VAX2: variants seen among roughly 807,000 people sequenced by gnomAD.
VAX2 encodes the protein ventral anterior homeobox 2.
Under a neutral mutation model 12.5 loss-of-function variants are expected in VAX2, and 8 were observed. The ratio of observed to expected loss-of-function variants is 0.64; its 90% confidence interval spans 0.37 to 1.15. The LOEUF (loss-of-function observed/expected upper bound fraction) is 1.15, where lower values mean the gene tolerates loss of function less well. Ranked by LOEUF, VAX2 falls within the 50% of genes most tolerant of loss-of-function variation. The pLI is 0.01. For missense variants in VAX2, 476 were observed against 412.9 expected, an observed-to-expected ratio of 1.15 and a Z score of -1.32; for synonymous variants, 183 against 187.6, an observed-to-expected ratio of 0.98 and a Z score of 0.20.
intron 1 of VAX2, among the ~76,000 whole-genome samples, chr2:70,906,663 G>C (rs1679069251): frequency 6.6e-6 from 1 of 151,100 alleles, no homozygotes; most frequent in Non-Finnish European, 1.5e-5. Context: ...CAAAGTGCTG[G>C]ATTACAGGAC....
intron 1 of VAX2, among the ~76,000 whole-genome samples, chr2:70,910,657 T>C (rs1679161237): frequency 6.6e-6 from 1 of 152,086 alleles, no homozygotes; most frequent in African/African-American, 2.4e-5. Context: ...GAATTTTTCA[T>C]ATATTTAGCC....
intron 1 of VAX2, among the ~76,000 whole-genome samples, chr2:70,914,675 T>C (rs1679268605): frequency 6.6e-6 from 1 of 152,232 alleles, no homozygotes; most frequent in South Asian, 2.1e-4. Context: ...TGCTGGAACT[T>C]GTATTATATT....
At chr2:70,909,766 T>C (rs1169922585) in intron 1 of VAX2, among the ~76,000 whole-genome samples, 1 of 152,222 alleles carries the variant, frequency 6.6e-6, no homozygotes, top group Non-Finnish European at 1.5e-5. Context: ...AGGATTCCGT[T>C]ATGTAGATAT....
chr2:70,904,007 C>T lies in VAX2; in HGVS notation c.247+3139C>T, dbSNP rs1462535906. 6.6e-6 allele frequency among the ~76,000 whole-genome samples: 1 copy of T among 152,162 alleles called. No individual in the cohort carries two copies. The highest frequency in any genetic ancestry group is 2.4e-5 in the African/African-American group (1 of 41,448). On this transcript the variant is annotated intron_variant, in intron 1 of 2. Coordinates refer to ENST00000234392, the MANE Select transcript of VAX2 (RefSeq NM_012476.3). The surrounding 1 kb of genome is among the most constrained non-coding windows in gnomAD (Gnocchi z 4.2). ...GAGGCCAAACGTGGTGCGTCTCCTG[C>T]CTCAAAATGAAGACTCCTACATGTC...
intron 1 of VAX2, among the ~76,000 whole-genome samples, chr2:70,905,978 A>G (rs1553410551): frequency 1.3e-5 from 2 of 152,090 alleles, no homozygotes; most frequent in Admixed American, 6.5e-5. Flanking sequence ...TTTGATTTCT[A>G]TTTTAATGGT....
intron 1 of VAX2, among the ~76,000 whole-genome samples, chr2:70,909,410 G>A (rs1197692841): frequency 6.6e-6 from 1 of 151,192 alleles, no homozygotes; most frequent in Non-Finnish European, 1.5e-5. Context: ...CCATATTGAG[G>A]AGGCCAGTCT....
chr2:70,920,309 G>A (rs1679423769), intron 1 of VAX2, among the ~76,000 whole-genome samples: 1 of 152,152 alleles, frequency 6.6e-6, no homozygotes, highest in African/African-American at 2.4e-5. Flanking sequence ...GTAGTTAAAT[G>A]TTACTAAGTT....
At chr2:70,920,189 G>A (rs1679421272) in intron 1 of VAX2, among the ~76,000 whole-genome samples, 1 of 152,198 alleles carries the variant, frequency 6.6e-6, no homozygotes, top group African/African-American at 2.4e-5. Context: ...AAATCCTACA[G>A]GATGTGATGC....
At chr2:70,920,949 A>T in intron 1 of VAX2, 149 bp from the exon 2 acceptor site, 1 of 916,600 alleles carries the variant, frequency 1.1e-6, no homozygotes, top group Non-Finnish European at 1.6e-6. Context: ...CTGGGCCCAG[A>T]GAGGGTGAGC....
At chr2:70,909,989 T>A (rs186181384) in intron 1 of VAX2, among the ~76,000 whole-genome samples, 1,594 of 152,294 alleles carry the variant, frequency 0.01, 24 homozygotes, top group African/African-American at 0.032. Flanking sequence ...TGGTTTTTTT[T>A]AAATCTTATT....
intron 1 of VAX2, among the ~76,000 whole-genome samples, chr2:70,906,993 G>A (rs72832737): frequency 0.011 from 1,700 of 152,312 alleles, 13 homozygotes; most frequent in South Asian, 0.019. Context: ...AATACTTCTC[G>A]AATAACTTAA....
chr2:70,902,944 C>G, intron 1 of VAX2, among the ~76,000 whole-genome samples: 1 of 152,206 alleles, frequency 6.6e-6, no homozygotes, highest in East Asian at 1.9e-4. Context: ...GATATATTTA[C>G]ACACTTGACA....
rs142186908 is a variant in VAX2 at position 70,904,812 on chromosome 2, G to T, written c.247+3944G>T. Among the ~76,000 whole-genome samples, 1 of 152,370 alleles carries T rather than the reference G, an allele frequency of 6.6e-6. No individual in the cohort carries two copies. The highest frequency in any genetic ancestry group is 1.5e-5 in the Non-Finnish European group (1 of 68,040). On this transcript the variant is annotated intron_variant, in intron 1 of 2. Transcript: ENST00000234392. The surrounding 1 kb of genome is among the most constrained non-coding windows in gnomAD (Gnocchi z 4.2). The stretch of plus-strand genomic sequence containing the variant: ...GGCTGGGCGATTCCCGCCGTGGGAC[G>T]GGTGGGATTGACCTTAGTGGAGTCC...
In VAX2 at chr2:70,900,842, A is replaced by G; in HGVS notation, c.221A>G (p.Asp74Gly). Residue 74 changes from aspartate to glycine, a missense_variant, in exon 1 of 3, where the codon GAC (aspartate) becomes GGC (glycine). Coordinates refer to ENST00000234392, the MANE Select transcript of VAX2 (RefSeq NM_012476.3). ...GGGCAGCCCGGGCCCGGCGAGGCAGACCACTGCCGCCGCATACTGGTGCGA... is the reference window on the plus strand; with the variant it reads ...GGGCAGCCCGGGCCCGGCGAGGCAGGCCACTGCCGCCGCATACTGGTGCGA... ...SDGQPGPGEA[D>G]HCRRILVRDA... The G allele has an allele frequency of 6.9e-7, 1 of 1,452,042 alleles. No homozygotes were observed. The highest frequency in any genetic ancestry group is 9.1e-7 in the Non-Finnish European group (1 of 1,100,578). 89.9% of individuals were successfully genotyped at this position (1,452,042 alleles called of 1,614,324 possible).
chr2:70,903,029 CCTGAAACG>C (rs1678968435), intron 1 of VAX2, among the ~76,000 whole-genome samples: 1 of 152,154 alleles, frequency 6.6e-6, no homozygotes, highest in Non-Finnish European at 1.5e-5. Flanking sequence ...TTATTATGGG[CCTGAAACG>C]CTCAGGATGT....
chr2:70,926,921 C>G (rs529100123), intron 2 of VAX2, among the ~76,000 whole-genome samples: 1 of 152,234 alleles, frequency 6.6e-6, no homozygotes, highest in South Asian at 2.1e-4. Context: ...AGTCATCTAG[C>G]TAGTTAAGGG....
At chr2:70,908,001 G>A (rs1679098006) in intron 1 of VAX2, among the ~76,000 whole-genome samples, 1 of 152,224 alleles carries the variant, frequency 6.6e-6, no homozygotes, top group Non-Finnish European at 1.5e-5. Flanking sequence ...CCTAAAGACT[G>A]GAGGGACCTT....
At chr2:70,913,969 C>A (rs190098506) in intron 1 of VAX2, among the ~76,000 whole-genome samples, 128 of 152,290 alleles carry the variant, frequency 8.4e-4, no homozygotes, top group African/African-American at 3.0e-3. Flanking sequence ...TTGCCTCATT[C>A]TTTTCAATTA....
At chr2:70,906,870 C>T (rs1396147792) in intron 1 of VAX2, among the ~76,000 whole-genome samples, 3 of 152,156 alleles carry the variant, frequency 2.0e-5, no homozygotes, top group African/African-American at 4.8e-5. Context: ...GGGCGGGCTC[C>T]CCGAGCCTGC....
Sources: allele counts gnomAD v4.1 joint callset (sites outside exome capture counted in the v4.1 genomes callset), GRCh38; gene constraint gnomAD v4.1.1; non-coding constraint Gnocchi (gnomAD v3.1); transcripts MANE v1.5; gene names NCBI Gene and HGNC (gene_info 2026-07-23, HGNC 2026-07-21).